The following FAM185A variants were observed in gnomAD, a reference collection of about 807,000 sequenced individuals.
FAM185A encodes family with sequence similarity 185 member A, also known as protein FAM185A.
FAM185A carries 21 observed loss-of-function variants against 45.7 expected under a neutral mutation model. The observed-to-expected ratio is 0.46, with a 90% CI of 0.33 to 0.66. FAM185A has a LOEUF of 0.66. FAM185A is among the 30% of genes least tolerant of loss of function. The probability of loss-of-function intolerance (pLI) is 0.03; values close to 1 mark genes in which losing one functional copy is unlikely to be tolerated. For synonymous variants in FAM185A, 117 were observed against 194.0 expected, an observed-to-expected ratio of 0.60 and a Z score of 3.30; for missense variants, 305 against 485.4, an observed-to-expected ratio of 0.63 and a Z score of 3.49.
chr7:102,795,787 C>T (rs1287730127), intron 7 of FAM185A, among the ~76,000 whole-genome samples: 2 of 151,530 alleles, frequency 1.3e-5, no homozygotes, highest in Admixed American at 6.6e-5. Context: ...GGCTGAGCAC[C>T]ACTCTATAAT....
intron 6 of FAM185A, among the ~76,000 whole-genome samples, chr7:102,778,343 G>A (rs1795198244): frequency 6.6e-6 from 1 of 152,234 alleles, no homozygotes. Context: ...CTAAATCTAA[G>A]AGCTTCAGGT....
At chr7:102,834,116 A>C in the FAM185A span, among the ~76,000 whole-genome samples, 3 of 116,306 alleles carry the variant, frequency 2.6e-5, no homozygotes, top group African/African-American at 1.3e-4. Context: ...GAAAGAAAGA[A>C]AGAAAGAAAG....
At chr7:102,830,239 T>C in the FAM185A span, among the ~76,000 whole-genome samples, 3 of 152,216 alleles carry the variant, frequency 2.0e-5, no homozygotes, top group Admixed American at 1.3e-4. Context: ...CAAAATCCTC[T>C]GCCCTATTTT....
In FAM185A at chr7:102,780,989, AGCAAACGGCAC is replaced by A. The variant is rs1795369221; in HGVS notation, c.931+3642_931+3652del. On this transcript the variant is annotated intron_variant, in intron 6 of 7. Transcript: ENST00000413034. ...AATACTGCTTATTTCCAATGGTCTT[AGCAAACGGCAC>A]ACCAGGAGATTATATCCCACGCATG... 2.6e-5 allele frequency among the ~76,000 whole-genome samples: 4 copies of A among 152,234 alleles called. 1 individual carries two copies. In the South Asian group the frequency reaches 8.3e-4, roughly 31 times the overall value.
chr7:102,789,648 G>A (rs1258116962), intron 7 of FAM185A, among the ~76,000 whole-genome samples: 1 of 152,298 alleles, frequency 6.6e-6, no homozygotes, highest in Non-Finnish European at 1.5e-5. Flanking sequence ...GGCAGAGGGT[G>A]CAATGAGCCA....
chr7:102,797,201 G>A (rs1433976568), intron 7 of FAM185A, among the ~76,000 whole-genome samples: 1 of 152,194 alleles, frequency 6.6e-6, no homozygotes, highest in East Asian at 1.9e-4. Context: ...GGTGGCTCAC[G>A]CCTGTAATCC....
At chr7:102,801,473 C>T (rs1475988458) in intron 7 of FAM185A, among the ~76,000 whole-genome samples, 1 of 152,206 alleles carries the variant, frequency 6.6e-6, no homozygotes, top group Non-Finnish European at 1.5e-5. Context: ...CACCAACCAA[C>T]TATCTACTGC....
chr7:102,760,286 C>G (rs973988317), intron 3 of FAM185A, among the ~76,000 whole-genome samples: 1 of 151,830 alleles, frequency 6.6e-6, no homozygotes, highest in African/African-American at 2.4e-5. Context: ...AAATTTATAG[C>G]AATACCTCTG....
At chr7:102,813,932 A>G (rs10281578), downstream of FAM185A, among the ~76,000 whole-genome samples, 1,363 of 152,238 alleles carry the variant, frequency 9.0e-3, 26 homozygotes, top group African/African-American at 0.031. Flanking sequence ...CTCTTAACCC[A>G]GAGTTCACAG....
downstream of FAM185A, chr7:102,813,371 T>C (rs773948057): frequency 6.2e-7 from 1 of 1,613,912 alleles, no homozygotes; most frequent in Non-Finnish European, 8.5e-7. Flanking sequence ...CTGCTGTATG[T>C]TGACTTTTTC....
intron 7 of FAM185A, among the ~76,000 whole-genome samples, chr7:102,794,637 A>G (rs1796341172): frequency 1.3e-5 from 2 of 152,222 alleles, no homozygotes; most frequent in African/African-American, 2.4e-5. Context: ...ACTACCATTA[A>G]TCACCTAGCA....
intron 3 of FAM185A, among the ~76,000 whole-genome samples, 188 bp downstream of exon 3, chr7:102,758,134 T>A (rs1793874568): frequency 6.6e-6 from 1 of 152,092 alleles, no homozygotes; most frequent in Non-Finnish European, 1.5e-5. Context: ...AGTTTGTGGT[T>A]TAATACTTTT....
chr7:102,801,983 A>C (rs1483315661), intron 7 of FAM185A, among the ~76,000 whole-genome samples: 2 of 152,130 alleles, frequency 1.3e-5, no homozygotes, highest in South Asian at 2.1e-4. Context: ...GTCCAACAGG[A>C]AAATATCACA....
chr7:102,848,529 C>T, the FAM185A span, among the ~76,000 whole-genome samples: 1 of 103,992 alleles, frequency 9.6e-6, no homozygotes, highest in Non-Finnish European at 1.8e-5. Flanking sequence ...GCACTCCAGC[C>T]TGGGCGACAG....
intron 6 of FAM185A, among the ~76,000 whole-genome samples, chr7:102,778,500 CAAAT>C (rs1396789295): frequency 1.3e-5 from 2 of 152,218 alleles, no homozygotes; most frequent in Non-Finnish European, 2.9e-5. Flanking sequence ...CTGTTACATA[CAAAT>C]AATTTAATGT....
chr7:102,806,207 G>A lies in FAM185A; in HGVS notation c.1067-2083G>A, dbSNP rs1220604056. On this transcript the variant is annotated intron_variant, in intron 7 of 7. Transcript: ENST00000413034. ...TTTTTTTATTTTTCTTCCCTGAGACGTAGTTTCATCCTTGTTGCCTAGGCT... is the reference window on the plus strand; with the variant it reads ...TTTTTTTATTTTTCTTCCCTGAGACATAGTTTCATCCTTGTTGCCTAGGCT... 2.6e-5 allele frequency among the ~76,000 whole-genome samples: 4 copies of A among 151,988 alleles called. No individual in the cohort carries two copies. The South Asian group carries it at 6.2e-4, about 24-fold the overall frequency.
the FAM185A span, among the ~76,000 whole-genome samples, chr7:102,848,287 T>C: frequency 1.8e-5 from 2 of 112,942 alleles, no homozygotes; most frequent in African/African-American, 4.9e-5. Context: ...CCGGGCGCGG[T>C]GGCTCACGCC....
intron 7 of FAM185A, among the ~76,000 whole-genome samples, chr7:102,806,379 T>A (rs903238873): frequency 1.3e-5 from 2 of 152,074 alleles, no homozygotes; most frequent in Non-Finnish European, 2.9e-5. Flanking sequence ...GAGACGGGGT[T>A]TCAACATGTT....
chr7:102,801,376 G>A (rs1796780629), intron 7 of FAM185A, among the ~76,000 whole-genome samples: 1 of 152,042 alleles, frequency 6.6e-6, no homozygotes, highest in Non-Finnish European at 1.5e-5. Flanking sequence ...CAAATGGAAT[G>A]CTACCTCATA....
Sources: gnomAD v4.1 joint callset for allele counts (sites outside exome capture counted in the v4.1 genomes callset) on GRCh38, gnomAD v4.1.1 for gene constraint, MANE v1.5 for transcripts, NCBI Gene and HGNC (gene_info 2026-07-23, HGNC 2026-07-21) for gene names.